Variants in WDR87 observed in about 807,000 individuals in gnomAD.
WDR87 encodes WD repeat-containing protein 87.
Under a neutral mutation model 83.3 loss-of-function variants are expected in WDR87, and 56 were observed. The observed-to-expected ratio is 0.67, with a 90% CI of 0.54 to 0.84. The LOEUF (loss-of-function observed/expected upper bound fraction) is 0.84. WDR87 is among the 40% of genes least tolerant of loss of function. WDR87 has a pLI of 0.00. For missense variants in WDR87, 2,939 were observed against 3,431.9 expected (o/e 0.86, Z 3.59); for synonymous variants, 1,173 against 1,250.6 (o/e 0.94, Z 1.31).
chr19:37,894,446 T>A lies in WDR87; in HGVS notation c.1257A>T (p.Pro419=). Residue 419 remains proline (P), a synonymous_variant, in exon 4 of 6, where the codon CCA becomes CCT. Transcript: ENST00000447313. ...TTGCTACAAAGAGCTCCTCTTTACC[T>A]GGGTCGTAGGCCCAATCCACAGCCT... ...LDQAVDWAYD[P]GKEELFVATG... 1 of 1,551,686 alleles carries A rather than the reference T, an allele frequency of 6.4e-7. No individual in the cohort carries two copies. Among genetic ancestry groups the A allele is most frequent in the Non-Finnish European group, 8.7e-7 (1 of 1,146,984 alleles).
At position 37,886,722 on chromosome 19, in the gene WDR87, T is replaced by TCTCCTCCCCTTCCTCCTC. The variant is rs1356087748; in HGVS notation, c.6931_6948dup (p.Glu2311_Glu2316dup). 1 of 1,448,692 alleles carries TCTCCTCCCCTTCCTCCTC rather than the reference T, an allele frequency of 6.9e-7. No individual in the cohort carries two copies. Among genetic ancestry groups the TCTCCTCCCCTTCCTCCTC allele is most frequent in the Non-Finnish European group, 9.3e-7 (1 of 1,069,970 alleles). The allele number at this position is 1,448,692 out of a possible 1,614,324, so 89.7% of individuals were successfully genotyped here. ...TCCTCCTCTTCTTTCTCCACTTGCT[T>TCTCCTCCCCTTCCTCCTC]CTCCTCCCCTTCCTCCTCCTCCTTC... On this transcript the variant is annotated inframe_insertion, in exon 6 of 6. Transcript: ENST00000447313.
chr19:37,894,375 C>T lies in WDR87; in HGVS notation c.1328G>A (p.Cys443Tyr). 2 of 1,551,742 alleles carry T rather than the reference C, an allele frequency of 1.3e-6. No homozygotes were observed. Among genetic ancestry groups the T allele is most frequent in the Non-Finnish European group, 1.7e-6 (2 of 1,147,018 alleles). ...VLVFDTTRCP[C>Y]PAKYLLGTSP... ...GGTGCCTAAGAGATACTTGGCTGGG[C>T]AAGGGCAGCGGGTTGTGTCAAATAC... is the stretch of plus-strand genomic sequence containing the variant. The change falls in exon 4 of 6, where the codon TGC becomes TAC. Residue 443 changes from cysteine to tyrosine, a missense_variant. Cys to Tyr is a radical substitution (Grantham distance 194). Coordinates refer to ENST00000447313, the MANE Select transcript of WDR87 (RefSeq NM_001291088.2).
chr19:37,894,188 A>G lies in WDR87; in HGVS notation c.1515T>C (p.Ala505=), dbSNP rs372168748. 301 of 1,552,272 alleles carry G rather than the reference A, an allele frequency of 1.9e-4. No individual in the cohort carries two copies. In the African/African-American group the frequency reaches 3.3e-3, roughly 17 times the overall value. ...ARLEKFMHFG[A]VLALSTLSGG... The stretch of plus-strand genomic sequence containing the variant: ...CAGACAGCGTGGAGAGTGCCAGTAC[A>G]GCGCCAAAGTGCATGAATTTTTCTA... The change falls in exon 4 of 6, where the codon GCT becomes GCC. Residue 505 remains alanine, a synonymous_variant. Transcript: ENST00000447313.
rs1259637879 is a variant in WDR87, at chr19:37,896,221, T to A, written c.163A>T (p.Met55Leu). The change falls in exon 3 of 6, where the codon ATG becomes TTG. Residue 55 changes from methionine to leucine, a missense_variant. By Grantham distance (15) the Met-to-Leu change is conservative. Coordinates refer to ENST00000447313, the MANE Select transcript of WDR87 (RefSeq NM_001291088.2). ...CTGAAGTAATAGCATACACACGGCATATTTTGAGGATAGCGAGACTCTTTG... is the reference window on the plus strand; with the variant it reads ...CTGAAGTAATAGCATACACACGGCAAATTTTGAGGATAGCGAGACTCTTTG... The part of the protein sequence containing the change: ...LFKESRYPQN[M>L]PCVCYYFSDA... 3.2e-6 allele frequency: 5 copies of A among 1,552,280 alleles called. No individual in the cohort carries two copies. The highest frequency in any genetic ancestry group is 3.5e-6 in the Non-Finnish European group (4 of 1,147,112).
In WDR87 at chr19:37,886,809, C is replaced by A. The variant is rs2046152183; in HGVS notation, c.6862G>T (p.Glu2288Ter). The change falls in exon 6 of 6, where the codon GAG becomes TAG. Residue 2288 changes from glutamate (E) to a stop codon, truncating the protein, a stop_gained. Transcript: ENST00000447313. LOFTEE classifies it low-confidence loss of function (END_TRUNC). ...KQESLSSEEE[E>*]EREEEEEREE... Reference sequence around the variant, plus strand: ...CTTTCCTCTTCTTCCTCCCTTTCCTCCTCCTCCTCAGAAGACAAACTCTCT... The same window carrying A: ...CTTTCCTCTTCTTCCTCCCTTTCCTACTCCTCCTCAGAAGACAAACTCTCT... 1 of 1,549,862 alleles carries A rather than the reference C, an allele frequency of 6.5e-7. No individual in the cohort carries two copies. The highest frequency in any genetic ancestry group is 8.7e-7 in the Non-Finnish European group (1 of 1,146,770).
In WDR87 at chr19:37,888,494, G is replaced by C. The variant is rs868736685; in HGVS notation, c.5177C>G (p.Ala1726Gly). The change falls in exon 6 of 6, where the codon GCT becomes GGT. Residue 1726 changes from alanine (A) to glycine (G), a missense_variant. This residue lies in a region of WDR87 where 2,160 missense variants were observed against 2,533.1 expected (regional missense o/e 0.85). Coordinates refer to ENST00000447313, the MANE Select transcript of WDR87 (RefSeq NM_001291088.2). ...EKLAKKGGKL[A>G]EVKNILAQKV... ...CTGGGCCAATATGTTTTTCACCTCAGCCAGTTTCCCTCCTTTCTTTGCTAG... is the reference window on the plus strand; with the variant it reads ...CTGGGCCAATATGTTTTTCACCTCACCCAGTTTCCCTCCTTTCTTTGCTAG... 6.4e-6 allele frequency: 10 copies of C among 1,551,774 alleles called. No homozygotes were observed. The highest frequency in any genetic ancestry group is 2.0e-5 in the Admixed American group (1 of 50,950).
chr19:37,889,627 T>G lies in WDR87; in HGVS notation c.4044A>C (p.Val1348=), dbSNP rs188583880. 1 of 1,551,906 alleles carries G rather than the reference T, an allele frequency of 6.4e-7. No individual in the cohort carries two copies. Among genetic ancestry groups the G allele is most frequent in the East Asian group, 2.4e-5 (1 of 40,908 alleles). ...AAATTGGTTTCTTCTCTGGCGGGACTACATCCCAATCAAGGTCCTCAAGCA... is the reference window on the plus strand; with the variant it reads ...AAATTGGTTTCTTCTCTGGCGGGACGACATCCCAATCAAGGTCCTCAAGCA... The part of the protein sequence containing the change: ...KVLLEDLDWD[V]VPPEKKPIFI... Residue 1348 remains valine, a synonymous_variant, in exon 6 of 6, where the codon GTA becomes GTC. Transcript: ENST00000447313.
chr19:37,896,201 G>T lies in WDR87; in HGVS notation c.183C>A (p.Tyr61Ter), dbSNP rs953955220. The change falls in exon 3 of 6, where the codon TAC becomes TAA. Residue 61 changes from tyrosine (Y) to a stop codon, truncating the protein, a stop_gained. Coordinates refer to ENST00000447313, the MANE Select transcript of WDR87 (RefSeq NM_001291088.2). LOFTEE classifies it high-confidence loss of function. ...YPQNMPCVCY[Y>*]FSDAHFFASL... ...AGGCGAAGAAGTGGGCATCACTGAA[G>T]TAATAGCATACACACGGCATATTTT... The T allele has an allele frequency of 3.9e-6, 6 of 1,552,212 alleles. No homozygotes were observed. In the African/African-American group the frequency reaches 5.5e-5, roughly 14 times the overall value.
In WDR87 at chr19:37,888,878, TG is replaced by T. The variant is rs1450188482; in HGVS notation, c.4792del (p.Gln1598SerfsTer37). 3 of 1,552,222 alleles carry T rather than the reference TG, an allele frequency of 1.9e-6. No homozygotes were observed. Among genetic ancestry groups the T allele is most frequent in the South Asian group, 2.4e-5 (2 of 84,058 alleles). On this transcript the variant is annotated frameshift_variant, in exon 6 of 6. Coordinates refer to ENST00000447313, the MANE Select transcript of WDR87 (RefSeq NM_001291088.2). LOFTEE classifies it low-confidence loss of function (END_TRUNC). ...EVSREGEEKE[Q>X]QVTEEQRHIQ... Reference sequence around the variant, plus strand: ...GTGTCTCTGCTCTTCTGTGACCTGCTGTTCTTTTTCTTCCCCCTCCCGAGAC... The same window carrying T: ...GTGTCTCTGCTCTTCTGTGACCTGCTTTCTTTTTCTTCCCCCTCCCGAGAC...
Position 37,888,268 on chromosome 19 carries a change from T to G in WDR87, c.5403A>C (p.Lys1801Asn), listed in dbSNP as rs764278938. The G allele has an allele frequency of 4.5e-6, 7 of 1,551,722 alleles. No homozygotes were observed. Among genetic ancestry groups the G allele is most frequent in the Non-Finnish European group, 6.1e-6 (7 of 1,147,026 alleles). ...CCAGTTTTGTCTCTTCTTCAGACAG[T>G]TTCTCCCTTTGCCAGGCCAATGCCT... is the stretch of plus-strand genomic sequence containing the variant. Reference protein sequence around the residue: ...EEEALAWQREKLSEEETKLAQ... With the variant: ...EEEALAWQRENLSEEETKLAQ... The change falls in exon 6 of 6, where the codon AAA becomes AAC. Residue 1801 changes from lysine to asparagine, a missense_variant. By Grantham distance (94) the Lys-to-Asn change is moderately conservative. Transcript: ENST00000447313.
At position 37,885,549 on chromosome 19, in the gene WDR87, C is replaced by T. The variant is rs1015459360; in HGVS notation, c.8122G>A (p.Ala2708Thr). The T allele has an allele frequency of 6.4e-7, 1 of 1,551,680 alleles. No homozygotes were observed. Among genetic ancestry groups the T allele is most frequent in the Non-Finnish European group, 8.7e-7 (1 of 1,147,000 alleles). ...KEMEMQYFYP[A>T]TRDIFPSAHA... The stretch of plus-strand genomic sequence containing the variant: ...GCACTTGGAAAAATGTCTCTGGTGG[C>T]AGGATAAAAGTATTGCATTTCCATC... The change falls in exon 6 of 6, where the codon GCC becomes ACC. Residue 2708 changes from alanine to threonine, a missense_variant. Physicochemically the swap from Ala to Thr is moderately conservative, Grantham distance 58. This residue lies in a region of WDR87 where 2,160 missense variants were observed against 2,533.1 expected (regional missense o/e 0.85). Transcript: ENST00000447313.
At chr19:37,904,523 G>A (rs756690521) in intron 1 of WDR87, among the ~76,000 whole-genome samples, 9 of 151,746 alleles carry the variant, frequency 5.9e-5, no homozygotes, top group East Asian at 5.9e-4. Flanking sequence ...CACACCCAGC[G>A]AATTTTTTGT....
intron 1 of WDR87, among the ~76,000 whole-genome samples, chr19:37,899,074 T>C (rs568241891): frequency 9.8e-5 from 14 of 142,846 alleles, no homozygotes; most frequent in African/African-American, 3.5e-4. Context: ...GGCCCATCAA[T>C]GAGTTGTTGT....
chr19:37,886,804 TTCC>T lies in WDR87; in HGVS notation c.6864_6866del (p.Glu2289del), dbSNP rs778915897. 67 of 1,546,812 alleles carry T rather than the reference TTCC, an allele frequency of 4.3e-5. No individual in the cohort carries two copies. The African/African-American group carries it at 8.4e-4, about 19-fold the overall frequency. On this transcript the variant is annotated inframe_deletion, in exon 6 of 6. Coordinates refer to ENST00000447313, the MANE Select transcript of WDR87 (RefSeq NM_001291088.2). ...CCTCCCTTTCCTCTTCTTCCTCCCT[TTCC>T]TCCTCCTCCTCAGAAGACAAACTCT...
chr19:37,887,333 T>C lies in WDR87; in HGVS notation c.6338A>G (p.Asn2113Ser), dbSNP rs2046158155. The change falls in exon 6 of 6, where the codon AAC becomes AGC. Residue 2113 changes from asparagine to serine, a missense_variant. Coordinates refer to ENST00000447313, the MANE Select transcript of WDR87 (RefSeq NM_001291088.2). The part of the protein sequence containing the change: ...ESLSKEPAKL[N>S]KILKALQKLT... ...TTTTTGAAGTGCCTTTAAGATTTTG[T>C]TCAGTTTTGCTGGTTCCTTGGAAAG... 6.4e-7 allele frequency: 1 copy of C among 1,551,548 alleles called. No homozygotes were observed. The highest frequency in any genetic ancestry group is 8.7e-7 in the Non-Finnish European group (1 of 1,146,982).
chr19:37,900,560 CAAAA>C lies in WDR87; in HGVS notation c.-46-2279_-46-2276del, dbSNP rs58946958. Among the ~76,000 whole-genome samples the C allele has an allele frequency of 1.9e-4, 15 of 78,084 alleles. No individual in the cohort carries two copies. In the East Asian group the frequency reaches 2.9e-3, roughly 15 times the overall value. 51.2% of individuals were successfully genotyped at this position (78,084 alleles called of 152,430 possible). ...TCAGTGACAGAGCAAGACTCCGTCTCAAAAAAAAAAAAAAAAAAAGACCCAATCC... is the reference window on the plus strand; with the variant it reads ...TCAGTGACAGAGCAAGACTCCGTCTCAAAAAAAAAAAAAAAGACCCAATCC... On this transcript the variant is annotated intron_variant, in intron 1 of 5. Transcript: ENST00000447313.
rs369489743 is a variant in WDR87 at position 37,888,156 on chromosome 19, G to A, written c.5515C>T (p.Arg1839Trp). The A allele has an allele frequency of 1.8e-4, 287 of 1,551,464 alleles. 1 individual carries two copies. Among genetic ancestry groups the A allele is most frequent in the Non-Finnish European group, 2.3e-4 (265 of 1,147,048 alleles). Reference protein sequence around the residue: ...KMPEEEERLGRKREQLIEKKM... With the variant: ...KMPEEEERLGWKREQLIEKKM... ...TTCTCAATCAATTGCTCCCTTTTCCGTCCCAGTCTTTCCTCTTCCTCAGGC... is the reference window on the plus strand; with the variant it reads ...TTCTCAATCAATTGCTCCCTTTTCCATCCCAGTCTTTCCTCTTCCTCAGGC... Residue 1839 changes from arginine (R) to tryptophan (W), a missense_variant, in exon 6 of 6, where the codon CGG becomes TGG. Physicochemically the swap from Arg to Trp is moderately radical, Grantham distance 101. Around this residue, in one of 3 missense-constraint regions of WDR87, gnomAD observed 2,160 missense variants for 2,533.1 expected, o/e 0.85. Transcript: ENST00000447313.
chr19:37,895,227 G>C lies in WDR87; in HGVS notation c.476C>G (p.Pro159Arg). The C allele has an allele frequency of 6.4e-7, 1 of 1,551,678 alleles. No individual in the cohort carries two copies. Among genetic ancestry groups the C allele is most frequent in the Non-Finnish European group, 8.7e-7 (1 of 1,146,992 alleles). The change falls in exon 4 of 6, where the codon CCG (proline) becomes CGG (arginine). Residue 159 changes from proline (P) to arginine (R), a missense_variant. This residue lies in a region of WDR87 where 226 missense variants were observed against 320.9 expected (regional missense o/e 0.70). Transcript: ENST00000447313. ...GCCAGACAGAAGCATCTTCATTTCC[G>C]GGTCATAGCAGAGGCAGCTGATGTT... ...RFNISCLCYD[P>R]EMKMLLSGIL...
At position 37,889,151 on chromosome 19, in the gene WDR87, T is replaced by G; in HGVS notation, c.4520A>C (p.Lys1507Thr). The change falls in exon 6 of 6, where the codon AAA becomes ACA. Residue 1507 changes from lysine (K) to threonine (T), a missense_variant. This residue lies in a region of WDR87 where 2,160 missense variants were observed against 2,533.1 expected (regional missense o/e 0.85). Transcript: ENST00000447313. ...TTTCCTTGTCTCACCATGGACCTGT[T>G]TCCACTCATCCCAGGCCTTTTTCCA... ...QDWKKAWDEW[K>T]QVHGETRKSW... 6.4e-7 allele frequency: 1 copy of G among 1,552,346 alleles called. No individual in the cohort carries two copies. Among genetic ancestry groups the G allele is most frequent in the Non-Finnish European group, 8.7e-7 (1 of 1,147,142 alleles).
Sources: allele counts gnomAD v4.1 joint callset (sites outside exome capture counted in the v4.1 genomes callset), GRCh38; gene constraint gnomAD v4.1.1; regional missense constraint gnomAD v4.1.1; transcripts MANE v1.5; gene names NCBI Gene and HGNC (gene_info 2026-07-23, HGNC 2026-07-21).